The following LRBA variants were observed in gnomAD, a reference collection of about 807,000 sequenced individuals.
LRBA encodes lipopolysaccharide-responsive and beige-like anchor protein.
LRBA carries 176 observed loss-of-function variants against 330.0 expected under a neutral mutation model. The observed-to-expected ratio is 0.53, with a 90% CI of 0.47 to 0.60. LRBA has a LOEUF of 0.60. Among genes scored for constraint, LRBA ranks in the 20% least tolerant of loss-of-function variants. The pLI, the probability that LRBA is intolerant of heterozygous loss-of-function variation, is 0.00. For synonymous variants in LRBA, 1,230 were observed against 1,193.0 expected (o/e 1.03, Z -0.64); for missense variants, 3,259 against 3,444.8 (o/e 0.95, Z 1.35).
At chr4:150,506,105 A>T (rs543207533) in intron 40 of LRBA, among the ~76,000 whole-genome samples, 1 of 152,344 alleles carries the variant, frequency 6.6e-6, no homozygotes, top group African/African-American at 2.4e-5. Context: ...AACCAAAAAA[A>T]GTCCAGGACC....
intron 14 of LRBA, among the ~76,000 whole-genome samples, chr4:150,898,245 A>G (rs1579133344): frequency 6.6e-6 from 1 of 152,198 alleles, no homozygotes; most frequent in Non-Finnish European, 1.5e-5. Context: ...GTATGACAAA[A>G]TTTTTCTACT....
chr4:150,452,549 G>A (rs969294702), intron 44 of LRBA, among the ~76,000 whole-genome samples: 1 of 151,268 alleles, frequency 6.6e-6, no homozygotes, highest in African/African-American at 2.4e-5. Flanking sequence ...TTGAACCCGG[G>A]AGGCAGAGGT....
At chr4:150,792,088 C>A (rs1260557514) in intron 34 of LRBA, among the ~76,000 whole-genome samples, 1 of 144,132 alleles carries the variant, frequency 6.9e-6, no homozygotes, top group Non-Finnish European at 1.5e-5. Flanking sequence ...CAAAGCAACT[C>A]ATAGTCAAAA....
Position 150,456,805 on chromosome 4 carries a change from C to T in LRBA, c.6780+10868G>A, listed in dbSNP as rs542703884. Among the ~76,000 whole-genome samples, 152 of 151,964 alleles carry T rather than the reference C, an allele frequency of 1.0e-3. 2 individuals carry two copies. The South Asian group carries it at 0.011, about 11-fold the overall frequency. On this transcript the variant is annotated intron_variant, in intron 44 of 56. Coordinates refer to ENST00000651943, the MANE Select transcript of LRBA (RefSeq NM_001364905.1). ...GTTTTCTTGTTTCACAGTTTGAGTTCTTAGATTCAAGTCTTTAATTCATTT... is the reference window on the plus strand; with the variant it reads ...GTTTTCTTGTTTCACAGTTTGAGTTTTTAGATTCAAGTCTTTAATTCATTT...
At chr4:150,931,023 T>C (rs1487174770) in intron 2 of LRBA, among the ~76,000 whole-genome samples, 2 of 152,240 alleles carry the variant, frequency 1.3e-5, no homozygotes, top group Non-Finnish European at 2.9e-5. Context: ...GATTATATTG[T>C]CTGTAAATAT....
chr4:150,677,823 A>G (rs1382888733), intron 37 of LRBA, among the ~76,000 whole-genome samples: 2 of 33,192 alleles, frequency 6.0e-5, no homozygotes, highest in Non-Finnish European at 2.5e-4. Context: ...AAAGAAAAAG[A>G]AAAAGAAAAA....
chr4:150,280,391 C>G (rs534678038), intron 55 of LRBA, among the ~76,000 whole-genome samples: 22 of 152,302 alleles, frequency 1.4e-4, no homozygotes, highest in African/African-American at 5.3e-4. Context: ...TGACCACATT[C>G]TAAAACAGCC....
At chr4:150,924,501 G>C (rs1465215439) in intron 4 of LRBA, among the ~76,000 whole-genome samples, 1 of 152,068 alleles carries the variant, frequency 6.6e-6, no homozygotes, top group African/African-American at 2.4e-5. Flanking sequence ...AACAGAGCAA[G>C]ACTCTGTCTG....
intron 28 of LRBA, among the ~76,000 whole-genome samples, chr4:150,841,836 T>G (rs1416578966): frequency 6.6e-6 from 1 of 151,790 alleles, no homozygotes; most frequent in East Asian, 1.9e-4. Flanking sequence ...TTTTGTATTT[T>G]TAGTAGAGAT....
At chr4:150,561,325 G>A (rs1768309787) in intron 40 of LRBA, among the ~76,000 whole-genome samples, 1 of 152,042 alleles carries the variant, frequency 6.6e-6, no homozygotes, top group African/African-American at 2.4e-5. Context: ...GCAGAATGAT[G>A]CTCCCTCCCA....
intron 36 of LRBA, among the ~76,000 whole-genome samples, chr4:150,690,992 C>G (rs1012527016): frequency 5.7e-5 from 8 of 140,560 alleles, no homozygotes; most frequent in Admixed American, 5.3e-4. Context: ...TGCAGTGGCT[C>G]AATCTCAGCT....
At chr4:150,914,093 C>CT (rs372369181) in intron 9 of LRBA, 102 bp downstream of exon 9, 31,710 of 692,128 alleles carry the variant, frequency 0.046, no homozygotes, top group Non-Finnish European at 0.052. Context: ...TCTCATTTTT[C>CT]TTTTTTTTTT....
At chr4:150,311,639 T>C (rs1731084316) in intron 51 of LRBA, among the ~76,000 whole-genome samples, 1 of 152,192 alleles carries the variant, frequency 6.6e-6, no homozygotes, top group Non-Finnish European at 1.5e-5. Context: ...ATTCTGCTAA[T>C]GTCTGTGGAC....
intron 50 of LRBA, among the ~76,000 whole-genome samples, chr4:150,319,495 A>G (rs1732193118): frequency 6.6e-6 from 1 of 152,146 alleles, no homozygotes; most frequent in Admixed American, 6.5e-5. Flanking sequence ...CAAAAAAATC[A>G]CGTTTCTTAA....
intron 46 of LRBA, among the ~76,000 whole-genome samples, chr4:150,420,233 C>A (rs1388402054): frequency 6.8e-6 from 1 of 146,332 alleles, no homozygotes; most frequent in Non-Finnish European, 1.5e-5. Context: ...GAGACCCTGT[C>A]TCAAAAAAAA....
intron 13 of LRBA, among the ~76,000 whole-genome samples, chr4:150,904,632 A>T (rs1375577034): frequency 6.6e-6 from 1 of 152,124 alleles, no homozygotes; most frequent in African/African-American, 2.4e-5. Context: ...GTAAGACAAA[A>T]AAGTATCTAG....
At chr4:150,286,527 T>A (rs970580828) in intron 53 of LRBA, among the ~76,000 whole-genome samples, 5 of 152,042 alleles carry the variant, frequency 3.3e-5, no homozygotes, top group Non-Finnish European at 7.4e-5. Flanking sequence ...ATATGTATTC[T>A]CTCTACTAAG....
In LRBA at chr4:150,491,051, AT is replaced by A. The variant is rs774189139; in HGVS notation, c.6331-17del. On this transcript the variant is annotated splice_polypyrimidine_tract_variant and intron_variant, in intron 40 of 56. Coordinates refer to ENST00000651943, the MANE Select transcript of LRBA (RefSeq NM_001364905.1). Reference sequence around the variant, plus strand: ...ATGCCAAGATCTAATGAGGAAAAAAATAATCCCAGGTAAGTAACAATACTTG... The same window carrying A: ...ATGCCAAGATCTAATGAGGAAAAAAAAATCCCAGGTAAGTAACAATACTTG... The A allele has an allele frequency of 7.6e-7, 1 of 1,317,122 alleles. No homozygotes were observed. The highest frequency in any genetic ancestry group is 1.4e-5 in the South Asian group (1 of 70,992). 81.6% of individuals were successfully genotyped at this position (1,317,122 alleles called of 1,614,324 possible). A position where few individuals can be genotyped will look rare whatever the true frequency, so the allele number is the denominator to read the frequency against.
At chr4:150,961,867 G>A (rs1348027015) in intron 2 of LRBA, among the ~76,000 whole-genome samples, 1 of 149,508 alleles carries the variant, frequency 6.7e-6, no homozygotes, top group Non-Finnish European at 1.5e-5. Context: ...GCACTTACTT[G>A]TGCCAGGCAC....
Sources: allele counts gnomAD v4.1 joint callset (sites outside exome capture counted in the v4.1 genomes callset), GRCh38; gene constraint gnomAD v4.1.1; transcripts MANE v1.5; gene names NCBI Gene and HGNC (gene_info 2026-07-23, HGNC 2026-07-21).